The following CCSER1 variants were observed in gnomAD, a reference collection of about 807,000 sequenced individuals.
The protein encoded by CCSER1 is coiled-coil serine rich protein 1, also known as serine-rich coiled-coil domain-containing protein 1.
A neutral mutation model predicts 82.0 loss-of-function variants in CCSER1; 41 were observed. The ratio of observed to expected loss-of-function variants is 0.50; its 90% CI spans 0.39 to 0.65. CCSER1 has a LOEUF of 0.65. CCSER1 is among the 30% of genes least tolerant of loss of function. CCSER1 has a pLI of 0.00. For missense variants in CCSER1, 1,119 were observed against 1,064.2 expected, an observed-to-expected ratio of 1.05 and a Z score of -0.72; for synonymous variants, 414 against 383.9, an observed-to-expected ratio of 1.08 and a Z score of -0.92.
chr4:90,691,606 T>C (rs1560951596), intron 6 of CCSER1, among the ~76,000 whole-genome samples: 1 of 146,746 alleles, frequency 6.8e-6, no homozygotes, highest in African/African-American at 2.5e-5. Flanking sequence ...CATGTGTATA[T>C]ATCACATGTA....
intron 10 of CCSER1, among the ~76,000 whole-genome samples, chr4:91,517,905 G>C (rs76492234): frequency 3.2e-4 from 44 of 135,936 alleles, no homozygotes; most frequent in South Asian, 1.6e-3. Flanking sequence ...TTTCACAGGG[G>C]GGGTATGATA....
intron 5 of CCSER1, among the ~76,000 whole-genome samples, chr4:90,542,863 T>G (rs1776276720): frequency 6.6e-6 from 1 of 152,128 alleles, no homozygotes; most frequent in Admixed American, 6.6e-5. Context: ...TCATAGCTCT[T>G]TTTCCCTTTC....
chr4:90,233,008 A>G (rs1445626250), intron 1 of CCSER1, among the ~76,000 whole-genome samples: 3 of 151,688 alleles, frequency 2.0e-5, no homozygotes, highest in Non-Finnish European at 4.4e-5. Context: ...AAATAGGAAC[A>G]CTTTGACACT....
intron 10 of CCSER1, among the ~76,000 whole-genome samples, chr4:91,362,841 T>C (rs951478824): frequency 4.6e-5 from 7 of 151,884 alleles, no homozygotes; most frequent in African/African-American, 1.7e-4. Flanking sequence ...AAAGCAGAAT[T>C]ACTTGCTTTG....
chr4:90,165,082 C>T (rs1253210631), intron 1 of CCSER1, among the ~76,000 whole-genome samples: 1 of 152,036 alleles, frequency 6.6e-6, no homozygotes, highest in African/African-American at 2.4e-5. Flanking sequence ...TAAGGCTGAA[C>T]CTGTGATCTA....
chr4:90,409,494 G>T (rs531832846), intron 4 of CCSER1, among the ~76,000 whole-genome samples: 207 of 152,256 alleles, frequency 1.4e-3, no homozygotes, highest in South Asian at 6.0e-3. Flanking sequence ...TTAAAGAAAA[G>T]AATTTTCAAC....
chr4:90,243,179 T>C (rs1400114853), intron 1 of CCSER1, among the ~76,000 whole-genome samples: 1 of 151,102 alleles, frequency 6.6e-6, no homozygotes, highest in African/African-American at 2.4e-5. Flanking sequence ...TCCTTCTGCC[T>C]CAGCCTCCCA....
At chr4:90,289,534 G>T (rs1476947135) in intron 1 of CCSER1, among the ~76,000 whole-genome samples, 1 of 151,800 alleles carries the variant, frequency 6.6e-6, no homozygotes, top group Admixed American at 6.6e-5. Context: ...CTCATTTCCA[G>T]AGTATCTGTA....
At chr4:90,653,438 T>C (rs1377837053) in intron 6 of CCSER1, among the ~76,000 whole-genome samples, 1 of 151,646 alleles carries the variant, frequency 6.6e-6, no homozygotes, top group African/African-American at 2.4e-5. Flanking sequence ...AAATACAAAT[T>C]GAAAAAAAAA....
chr4:90,832,306 G>T (rs1761223098), intron 8 of CCSER1, among the ~76,000 whole-genome samples: 2 of 152,012 alleles, frequency 1.3e-5, no homozygotes, highest in South Asian at 4.1e-4. Flanking sequence ...ACAGCTATAG[G>T]TGTAGATACA....
chr4:91,357,763 A>T (rs1748946252), intron 10 of CCSER1, among the ~76,000 whole-genome samples: 1 of 150,828 alleles, frequency 6.6e-6, no homozygotes, highest in Admixed American at 6.6e-5. Context: ...ATTTTTCAAC[A>T]TGTCTCAACT....
chr4:91,137,292 G>A (rs1198072305), intron 10 of CCSER1, among the ~76,000 whole-genome samples: 11 of 84,654 alleles, frequency 1.3e-4, no homozygotes, highest in Middle Eastern at 4.7e-3. Context: ...ATAGTTTACT[G>A]AGAATGATGA....
rs574666000 is a variant in CCSER1 at position 91,323,672 on chromosome 4, T to C, written c.2217+237678T>C. On this transcript the variant is annotated intron_variant, in intron 10 of 10. Coordinates refer to ENST00000509176, the MANE Select transcript of CCSER1 (RefSeq NM_001145065.2). ...AGCAGTTTATCCCTCATTTAAACTT[T>C]GAACAATCTAAGAAGTCTAAGTTTT... Among the ~76,000 whole-genome samples the C allele has an allele frequency of 2.6e-5, 4 of 152,320 alleles. No individual in the cohort carries two copies. In the South Asian group the frequency reaches 8.3e-4, roughly 32 times the overall value.
chr4:90,735,352 A>G (rs1413031522), intron 7 of CCSER1, among the ~76,000 whole-genome samples: 1 of 152,138 alleles, frequency 6.6e-6, no homozygotes, highest in Non-Finnish European at 1.5e-5. Flanking sequence ...TGACTTTGGA[A>G]GTATTTTCTC....
At chr4:90,468,843 C>G (rs553501872) in intron 5 of CCSER1, among the ~76,000 whole-genome samples, 1 of 151,786 alleles carries the variant, frequency 6.6e-6, no homozygotes, top group Non-Finnish European at 1.5e-5. Context: ...TTAAACAGTT[C>G]AAGCTTTAAT....
intron 9 of CCSER1, among the ~76,000 whole-genome samples, chr4:90,987,673 G>T (rs1016443207): frequency 6.6e-5 from 10 of 151,608 alleles, no homozygotes; most frequent in African/African-American, 2.4e-4. Context: ...AAATTACCAT[G>T]ATTTTTGTTT....
intron 7 of CCSER1, among the ~76,000 whole-genome samples, chr4:90,726,240 T>C (rs1743620130): frequency 1.3e-5 from 2 of 152,048 alleles, no homozygotes; most frequent in Non-Finnish European, 2.9e-5. Context: ...GCATACTTTT[T>C]TTTAAGCATT....
At position 91,347,980 on chromosome 4, in the gene CCSER1, C is replaced by G. The variant is rs529513049; in HGVS notation, c.2218-250592C>G. ...ACTTTTTATTTCCTTTTTTGTTGTT[C>G]TTATTTCATTGGCTGGTACTCCCAG... On this transcript the variant is annotated intron_variant, in intron 10 of 10. Transcript: ENST00000509176. Among the ~76,000 whole-genome samples, 17 of 150,730 alleles carry G rather than the reference C, an allele frequency of 1.1e-4. 1 individual carries two copies. The South Asian group carries it at 2.7e-3, about 24-fold the overall frequency.
In CCSER1 at chr4:90,844,221, G is replaced by C. The variant is rs538443737; in HGVS notation, c.2094+28376G>C. ...TTGAGAATATATATATATATGTATAGAGAGAGAGAGAAAGAGAGGAAGACA... is the reference window on the plus strand; with the variant it reads ...TTGAGAATATATATATATATGTATACAGAGAGAGAGAAAGAGAGGAAGACA... On this transcript the variant is annotated intron_variant, in intron 8 of 10. Transcript: ENST00000509176. Among the ~76,000 whole-genome samples the C allele has an allele frequency of 2.0e-5, 3 of 151,552 alleles. No individual in the cohort carries two copies. The East Asian group carries it at 5.8e-4, about 29-fold the overall frequency.
Sources: allele counts gnomAD v4.1 joint callset (sites outside exome capture counted in the v4.1 genomes callset), GRCh38; gene constraint gnomAD v4.1.1; transcripts MANE v1.5; gene names NCBI Gene and HGNC (gene_info 2026-07-23, HGNC 2026-07-21).